Variants in ABI3BP observed in about 807,000 individuals in gnomAD.
The protein encoded by ABI3BP is ABI family member 3 binding protein.
Under a neutral mutation model 268.6 loss-of-function variants are expected in ABI3BP, and 216 were observed. That is an observed-to-expected ratio of 0.80 (90% confidence interval 0.72 to 0.90). ABI3BP has a LOEUF of 0.90. ABI3BP is among the 40% of genes least tolerant of loss of function. The pLI, the probability that ABI3BP is intolerant of heterozygous loss-of-function variation, is 0.00. For synonymous variants in ABI3BP, 730 were observed against 730.0 expected (o/e 1.00, Z 0.00); for missense variants, 2,090 against 2,182.4 (o/e 0.96, Z 0.84).
intron 1 of ABI3BP, among the ~76,000 whole-genome samples, chr3:100,944,935 A>G (rs1374508877): frequency 1.3e-5 from 2 of 152,276 alleles, no homozygotes; most frequent in East Asian, 3.9e-4. Context: ...GGCATCTCAT[A>G]TTATTAATAA....
In ABI3BP at chr3:100,840,138, G is replaced by C. The variant is rs1024502428; in HGVS notation, c.1831C>G (p.Arg611Gly). 3.3e-6 allele frequency: 5 copies of C among 1,532,442 alleles called. No individual in the cohort carries two copies. The African/African-American group carries it at 4.1e-5, about 13-fold the overall frequency. The allele number at this position is 1,532,442 out of a possible 1,614,324, so 94.9% of individuals were successfully genotyped here. Reference sequence around the variant, plus strand: ...GGGCGGGGACGGGGGCGGGGGCGACGACCTGGTCTTTTGGTCTTTCGTGGT... The same window carrying C: ...GGGCGGGGACGGGGGCGGGGGCGACCACCTGGTCTTTTGGTCTTTCGTGGT... ...LAPRKTKRPG[R>G]RPRPRPRPKT... Residue 611 changes from arginine (R) to glycine (G), a missense_variant, in exon 23 of 68, where the codon CGT becomes GGT. By Grantham distance (125) the Arg-to-Gly change is moderately radical. Transcript: ENST00000471714.
intron 1 of ABI3BP, among the ~76,000 whole-genome samples, chr3:100,932,978 A>T (rs1437953200): frequency 6.6e-6 from 1 of 152,002 alleles, no homozygotes; most frequent in East Asian, 1.9e-4. Flanking sequence ...CATCATTATA[A>T]TCCATTTAGT....
At chr3:100,912,275 G>GT (rs2056863128) in intron 2 of ABI3BP, 7 of 7,930 alleles carry the variant, frequency 8.8e-4, no homozygotes, top group Non-Finnish European at 1.5e-3. Flanking sequence ...CCTCTCTTTT[G>GT]TAAAAAAAAA....
intron 10 of ABI3BP, among the ~76,000 whole-genome samples, chr3:100,866,556 G>T (rs1226627599): frequency 1.3e-5 from 2 of 152,060 alleles, no homozygotes; most frequent in Non-Finnish European, 2.9e-5. Context: ...AATGAAAAAT[G>T]GTCTAATGTC....
At chr3:100,985,274 C>T (rs111932269) in intron 1 of ABI3BP, among the ~76,000 whole-genome samples, 28,170 of 151,136 alleles carry the variant, frequency 0.19, 2,720 homozygotes, top group East Asian at 0.36. Context: ...CTCAGCCTCC[C>T]GAGTAGCTGT....
intron 7 of ABI3BP, 51 bp downstream of exon 7, chr3:100,876,460 TA>T: frequency 6.7e-7 from 1 of 1,491,178 alleles, no homozygotes; most frequent in Non-Finnish European, 9.2e-7. Context: ...TTACCTTAGC[TA>T]AAAGTATGTT....
intron 18 of ABI3BP, 127 bp from the exon 19 acceptor site, chr3:100,847,800 A>G: frequency 2.7e-6 from 2 of 753,920 alleles, no homozygotes; most frequent in Non-Finnish European, 4.6e-6. Flanking sequence ...CAATGAGTAA[A>G]AGTTTTGAGG....
intron 27 of ABI3BP, among the ~76,000 whole-genome samples, chr3:100,836,269 A>G (rs1387384286): frequency 6.6e-6 from 1 of 152,190 alleles, no homozygotes. Context: ...TTTTGTCTAG[A>G]TATAAAGGAT....
In ABI3BP at chr3:100,874,953, AATAAG is replaced by A; in HGVS notation, c.818-25_818-21del. On this transcript the variant is annotated intron_variant, in intron 8 of 67. Transcript: ENST00000471714. ...GGTGGACTGCAAGGAAATAGATGTAAATAAGATAAGGGGAAGAAAGTGCATCATGA... is the reference window on the plus strand; with the variant it reads ...GGTGGACTGCAAGGAAATAGATGTAAATAAGGGGAAGAAAGTGCATCATGA... 6.9e-7 allele frequency: 1 copy of A among 1,443,860 alleles called. No individual in the cohort carries two copies. The allele number at this position is 1,443,860 out of a possible 1,614,324, so 89.4% of individuals were successfully genotyped here.
At position 100,815,945 on chromosome 3, in the gene ABI3BP, C is replaced by A. The variant is rs945240567; in HGVS notation, c.3256G>T (p.Val1086Phe). The A allele has an allele frequency of 6.5e-7, 1 of 1,527,572 alleles. No individual in the cohort carries two copies. The allele number at this position is 1,527,572 out of a possible 1,614,324, so 94.6% of individuals were successfully genotyped here. Residue 1086 changes from valine to phenylalanine, a missense_variant, in exon 44 of 68, where the codon GTT (valine) becomes TTT (phenylalanine). By Grantham distance (50) the Val-to-Phe change is conservative. Coordinates refer to ENST00000471714, the MANE Select transcript of ABI3BP (RefSeq NM_001375547.2). The stretch of plus-strand genomic sequence containing the variant: ...GTTCCTGGAGCATCAGTACTATGAA[C>A]AACAGGTTCAAAGCCTGTAACAGAA... Reference protein sequence around the residue: ...SVSVTGFEPVVHSTDAPGTTF... With the variant: ...SVSVTGFEPVFHSTDAPGTTF...
At chr3:100,955,190 C>T (rs1029900252) in intron 1 of ABI3BP, among the ~76,000 whole-genome samples, 3 of 152,036 alleles carry the variant, frequency 2.0e-5, no homozygotes, top group Non-Finnish European at 4.4e-5. Flanking sequence ...GCTGTCTGCT[C>T]AGTAAAAGAA....
At chr3:100,891,949 C>T (rs781501661) in intron 4 of ABI3BP, among the ~76,000 whole-genome samples, 17 of 152,184 alleles carry the variant, frequency 1.1e-4, no homozygotes, top group Admixed American at 9.8e-4. Flanking sequence ...GGGTGTGGCA[C>T]TATCCAGCCT....
chr3:100,837,198 A>C (rs1338704962), intron 26 of ABI3BP, 27 bp from the exon 27 acceptor site: 1 of 1,518,274 alleles, frequency 6.6e-7, no homozygotes, highest in Non-Finnish European at 8.8e-7. Flanking sequence ...AAACAGATAT[A>C]AGTAATAAAA....
In ABI3BP at chr3:100,850,675, GC is replaced by G; in HGVS notation, c.1410del (p.Gln470HisfsTer90). ...AAAACATTACCCAGTGTTGCCCTTG[GC>G]TGTTCAAGAGTTCTAGAAGTTTTAG... is the stretch of plus-strand genomic sequence containing the variant. ...IPPKTSRTLEQPRATLAPSET... is the reference protein window; with the variant it reads ...IPPKTSRTLEXPRATLAPSET... On this transcript the variant is annotated frameshift_variant, in exon 16 of 68. Coordinates refer to ENST00000471714, the MANE Select transcript of ABI3BP (RefSeq NM_001375547.2). LOFTEE classifies it high-confidence loss of function. The G allele has an allele frequency of 1.2e-6, 2 of 1,612,000 alleles. No individual in the cohort carries two copies. The highest frequency in any genetic ancestry group is 1.7e-6 in the Non-Finnish European group (2 of 1,178,274).
Position 100,817,444 on chromosome 3 carries a change from G to A in ABI3BP, c.3140C>T (p.Thr1047Ile), listed in dbSNP as rs1006481351. ...ACACAGAATATCATTACCTAACGTT[G>A]TTTCTGGAAACTTGGTTCTAAAAGT... ...PDTFRTKFPETTLAPKTQRTR... is the reference protein window; with the variant it reads ...PDTFRTKFPEITLAPKTQRTR... The change falls in exon 42 of 68, where the codon ACA becomes ATA. Residue 1047 changes from threonine to isoleucine, a missense_variant. Transcript: ENST00000471714. 3.3e-6 allele frequency: 5 copies of A among 1,512,564 alleles called. No homozygotes were observed. In the Admixed American group the frequency reaches 8.0e-5, roughly 24 times the overall value. The allele number at this position is 1,512,564 out of a possible 1,614,324, so 93.7% of individuals were successfully genotyped here.
chr3:100,911,686 TG>T, intron 2 of ABI3BP: 2 of 755,138 alleles, frequency 2.6e-6, no homozygotes, highest in South Asian at 2.9e-5. Context: ...ATATCCAGAT[TG>T]GCAACCACTA....
At chr3:100,927,065 G>A (rs1029010768) in intron 1 of ABI3BP, among the ~76,000 whole-genome samples, 1 of 152,182 alleles carries the variant, frequency 6.6e-6, no homozygotes, top group South Asian at 2.1e-4. Context: ...GAGATGCCCA[G>A]TAGTGAGTGG....
chr3:100,761,066 C>G (rs1276206231), intron 63 of ABI3BP, among the ~76,000 whole-genome samples: 1 of 152,074 alleles, frequency 6.6e-6, no homozygotes, highest in Admixed American at 6.5e-5. Flanking sequence ...GTCTGCTGTT[C>G]CCCTCTTTAT....
chr3:100,779,182 C>T (rs578062148), intron 58 of ABI3BP, among the ~76,000 whole-genome samples: 9 of 152,320 alleles, frequency 5.9e-5, no homozygotes, highest in East Asian at 1.9e-4. Flanking sequence ...AAGACTACAT[C>T]GAGGTAACCC....
Sources: allele counts gnomAD v4.1 joint callset (sites outside exome capture counted in the v4.1 genomes callset), GRCh38; gene constraint gnomAD v4.1.1; transcripts MANE v1.5; gene names NCBI Gene and HGNC (gene_info 2026-07-23, HGNC 2026-07-21).